The following RBFOX1 variants were observed in gnomAD, a reference collection of about 807,000 sequenced individuals.
The protein encoded by RBFOX1 is RNA binding protein fox-1 homolog 1.
A neutral mutation model predicts 57.7 loss-of-function variants in RBFOX1; 8 were observed. The observed-to-expected ratio is 0.14, with a 90% CI of 0.08 to 0.25. The LOEUF is 0.25. Ranked by LOEUF, RBFOX1 falls within the 10% of genes least tolerant of loss-of-function variation. RBFOX1 has a pLI of 1.00. For synonymous variants in RBFOX1, 326 were observed against 222.4 expected (o/e 1.47, Z -4.15); for missense variants, 611 against 548.5 (o/e 1.11, Z -1.14).
At chr16:5,636,661 C>T (rs1057428401) in intron 3 of RBFOX1, among the ~76,000 whole-genome samples, 1 of 152,296 alleles carries the variant, frequency 6.6e-6, no homozygotes, top group Middle Eastern at 3.4e-3. Context: ...GAATATGAAT[C>T]TAGCAAAATT....
At chr16:6,736,122 C>A (rs1055917762) in intron 3 of RBFOX1, among the ~76,000 whole-genome samples, 1 of 151,936 alleles carries the variant, frequency 6.6e-6, no homozygotes, top group African/African-American at 2.4e-5. Flanking sequence ...GACATAAATA[C>A]AATTTATGTC....
chr16:6,625,304 A>G (rs1412477205), intron 2 of RBFOX1, among the ~76,000 whole-genome samples: 2 of 152,132 alleles, frequency 1.3e-5, no homozygotes, highest in Non-Finnish European at 2.9e-5. Context: ...GTCGATTTAA[A>G]TTAGAAAGAA....
At chr16:5,540,216 C>A (rs777051762) in intron 2 of RBFOX1, among the ~76,000 whole-genome samples, 1 of 152,070 alleles carries the variant, frequency 6.6e-6, no homozygotes, top group Non-Finnish European at 1.5e-5. Flanking sequence ...TTGTTTATAC[C>A]TTTGAGCATA....
intron 14 of RBFOX1, among the ~76,000 whole-genome samples, chr16:7,677,092 C>T (rs1017577814): frequency 3.4e-5 from 5 of 146,478 alleles, no homozygotes; most frequent in African/African-American, 9.9e-5. Context: ...TTTTTCACAT[C>T]TCTTAATTTC....
chr16:5,480,172 A>G (rs2069475773), intron 2 of RBFOX1, among the ~76,000 whole-genome samples: 1 of 152,176 alleles, frequency 6.6e-6, no homozygotes, highest in Admixed American at 6.5e-5. Context: ...GTTTTCTTTC[A>G]TCCGGAGATG....
chr16:6,748,974 AATTG>A (rs1293912880), intron 3 of RBFOX1: 1 of 152,160 alleles, frequency 6.6e-6, no homozygotes, highest in Non-Finnish European at 1.5e-5. Flanking sequence ...GTTCTCTCCT[AATTG>A]ATAAAATAAA....
At chr16:6,637,287 A>ATT (rs1491188103) in intron 2 of RBFOX1, among the ~76,000 whole-genome samples, 4,603 of 60,226 alleles carry the variant, frequency 0.076, 1,657 homozygotes, top group Middle Eastern at 0.13. Context: ...TATTATATAT[A>ATT]ATATATAATA....
chr16:5,964,852 T>C (rs929142483), intron 4 of RBFOX1, among the ~76,000 whole-genome samples: 2 of 152,058 alleles, frequency 1.3e-5, no homozygotes, highest in African/African-American at 4.8e-5. Context: ...ACAATGACCT[T>C]AGAGTTCATT....
chr16:7,455,664 G>A (rs960589310), intron 4 of RBFOX1, among the ~76,000 whole-genome samples: 11 of 151,352 alleles, frequency 7.3e-5, no homozygotes, highest in Admixed American at 4.0e-4. Flanking sequence ...AGGCGTGGTT[G>A]TAGTCCCAGC....
At chr16:6,518,294 A>G (rs1256957568) in intron 2 of RBFOX1, among the ~76,000 whole-genome samples, 1 of 152,144 alleles carries the variant, frequency 6.6e-6, no homozygotes, top group Non-Finnish European at 1.5e-5. Context: ...ATCTCACTTG[A>G]GGAGGGGAAA....
At chr16:5,276,622 A>G (rs928662781) in intron 1 of RBFOX1, among the ~76,000 whole-genome samples, 1 of 152,190 alleles carries the variant, frequency 6.6e-6, no homozygotes, top group African/African-American at 2.4e-5. Flanking sequence ...GTCTCTACTG[A>G]AAATACAAAA....
chr16:6,006,144 A>G (rs1235765929), intron 4 of RBFOX1, among the ~76,000 whole-genome samples: 1 of 152,224 alleles, frequency 6.6e-6, no homozygotes, highest in African/African-American at 2.4e-5. Context: ...GCTGTTTAGC[A>G]TCTGTATAAC....
At chr16:6,785,393 C>G (rs959140939) in intron 3 of RBFOX1, among the ~76,000 whole-genome samples, 2 of 152,074 alleles carry the variant, frequency 1.3e-5, no homozygotes, top group South Asian at 4.2e-4. Flanking sequence ...GTTATTGTTG[C>G]TAAGGAGAGG....
chr16:5,407,788 A>G (rs549676055), intron 1 of RBFOX1, among the ~76,000 whole-genome samples: 2 of 152,252 alleles, frequency 1.3e-5, no homozygotes, highest in Admixed American at 1.3e-4. Context: ...ACCTCAAACG[A>G]TCCAACTGCC....
intron 5 of RBFOX1, among the ~76,000 whole-genome samples, chr16:7,558,437 T>C (rs2089392074): frequency 6.6e-6 from 1 of 152,150 alleles, no homozygotes; most frequent in South Asian, 2.1e-4. Context: ...TTATACTGTA[T>C]GTATATATCA....
chr16:5,710,313 G>T (rs1365850504), intron 3 of RBFOX1, among the ~76,000 whole-genome samples: 1 of 152,164 alleles, frequency 6.6e-6, no homozygotes, highest in African/African-American at 2.4e-5. Context: ...CCATGCTTTT[G>T]TTTGTTGCTT....
At chr16:6,442,973 C>G (rs2094416238) in intron 2 of RBFOX1, among the ~76,000 whole-genome samples, 1 of 152,170 alleles carries the variant, frequency 6.6e-6, no homozygotes, top group Non-Finnish European at 1.5e-5. Flanking sequence ...CACCCTGAGA[C>G]ATTCTGATGT....
chr16:7,337,188 G>T (rs1312127523), intron 4 of RBFOX1, among the ~76,000 whole-genome samples: 1 of 152,114 alleles, frequency 6.6e-6, no homozygotes, highest in African/African-American at 2.4e-5. Flanking sequence ...TGGTATAGCT[G>T]GGATTTGGAC....
intron 3 of RBFOX1, among the ~76,000 whole-genome samples, chr16:5,779,481 A>G (rs760672978): frequency 3.3e-5 from 5 of 152,144 alleles, no homozygotes; most frequent in Admixed American, 1.3e-4. Context: ...TTATTGAGCC[A>G]TTTATCTCAT....
Sources: allele counts gnomAD v4.1 joint callset (sites outside exome capture counted in the v4.1 genomes callset), GRCh38; gene constraint gnomAD v4.1.1; transcripts MANE v1.5; gene names NCBI Gene and HGNC (gene_info 2026-07-23, HGNC 2026-07-21).